Variants in ARRDC3 observed in about 807,000 individuals in gnomAD.
ARRDC3 encodes the protein arrestin domain containing 3, also known as arrestin domain-containing protein 3.
ARRDC3 carries 10 observed loss-of-function variants against 47.2 expected under a neutral mutation model. The ratio of observed to expected loss-of-function variants is 0.21; its 90% CI spans 0.13 to 0.36. The LOEUF (loss-of-function observed/expected upper bound fraction) is 0.36. ARRDC3 is among the 10% of genes least tolerant of loss of function. ARRDC3 has a pLI of 1.00. For missense variants in ARRDC3, 381 were observed against 503.6 expected, an observed-to-expected ratio of 0.76 and a Z score of 2.33; for synonymous variants, 156 against 178.3, an observed-to-expected ratio of 0.87 and a Z score of 1.00.
chr5:91,376,583 G>C, intron 3 of ARRDC3, 38 bp downstream of exon 3: 1 of 1,528,906 alleles, frequency 6.5e-7, no homozygotes, highest in Non-Finnish European at 8.9e-7. Context: ...ATATTTATAT[G>C]CCAAAAACAA....
chr5:91,382,830 A>G lies in ARRDC3; in HGVS notation c.263T>C (p.Leu88Ser). Reference protein sequence around the residue: ...EVEYFNHKDILIGHERDDDNS... With the variant: ...EVEYFNHKDISIGHERDDDNS... ...AAACTTACCTCTTTCGTGCCCAATT[A>G]AGATGTCTTTATGGTTGAAATACTC... The change falls in exon 1 of 8, where the codon TTA becomes TCA. Residue 88 changes from leucine (L) to serine (S), a missense_variant. Transcript: ENST00000265138. 1 of 1,613,094 alleles carries G rather than the reference A, an allele frequency of 6.2e-7. No homozygotes were observed.
At chr5:91,376,833 CAGAAT>C (rs1799315611) in intron 2 of ARRDC3, 65 bp from the exon 3 acceptor site, 4 of 1,444,866 alleles carry the variant, frequency 2.8e-6, no homozygotes, top group Middle Eastern at 2.2e-4. Context: ...CACAGTAGGT[CAGAAT>C]AGAAGTGTTA....
chr5:91,379,116 C>T (rs1317573988), intron 1 of ARRDC3, among the ~76,000 whole-genome samples: 1 of 151,996 alleles, frequency 6.6e-6, no homozygotes, highest in Non-Finnish European at 1.5e-5. Context: ...TAAGACAATG[C>T]TATCCTTTGT....
At chr5:91,373,492 T>C (rs1311756384) in intron 7 of ARRDC3, among the ~76,000 whole-genome samples, 192 bp downstream of exon 7, 4 of 152,190 alleles carry the variant, frequency 2.6e-5, no homozygotes, top group Non-Finnish European at 5.9e-5. Context: ...CCCTAATAAG[T>C]GAACAGTCCT....
In ARRDC3 at chr5:91,383,300, T is replaced by G. The variant is rs1486486684; in HGVS notation, c.-208A>C. The G allele has an allele frequency of 7.6e-6, 4 of 524,256 alleles. No homozygotes were observed. In the Admixed American group the frequency reaches 1.1e-4, roughly 15 times the overall value. The allele number at this position is 524,256 out of a possible 1,614,324, so 32.5% of individuals were successfully genotyped here. ...TGCTCCGCGCTCCCGCTCGTCTCAG[T>G]GGTCTCCTTACAAAGACGGGCGGCT... On this transcript the variant is annotated 5_prime_UTR_variant, in exon 1 of 8. Transcript: ENST00000265138.
chr5:91,376,861 G>A (rs1799316169), intron 2 of ARRDC3, 93 bp from the exon 3 acceptor site: 1 of 1,197,320 alleles, frequency 8.4e-7, no homozygotes, highest in African/African-American at 1.6e-5. Context: ...ATATTGTATT[G>A]TTTATGTTCC....
chr5:91,383,192 G>A lies in ARRDC3; in HGVS notation c.-100C>T. ...TAACACTGATCGATATTTTTGCCGTGCAAAATGCTTGCAGGCCGGATCAGT... is the reference window on the plus strand; with the variant it reads ...TAACACTGATCGATATTTTTGCCGTACAAAATGCTTGCAGGCCGGATCAGT... On this transcript the variant is annotated 5_prime_UTR_variant, in exon 1 of 8. Transcript: ENST00000265138. 1 of 1,134,030 alleles carries A rather than the reference G, an allele frequency of 8.8e-7. No homozygotes were observed. Among genetic ancestry groups the A allele is most frequent in the East Asian group, 2.5e-5 (1 of 39,364 alleles). 70.2% of individuals were successfully genotyped at this position (1,134,030 alleles called of 1,614,324 possible).
intron 1 of ARRDC3, 99 bp from the exon 2 acceptor site, chr5:91,378,874 A>ACT: frequency 1.6e-6 from 1 of 633,720 alleles, no homozygotes; most frequent in Non-Finnish European, 2.6e-6. Context: ...AACAATTAAG[A>ACT]CCACAAAACA....
At position 91,374,396 on chromosome 5, in the gene ARRDC3, C is replaced by T. The variant is rs998491506; in HGVS notation, c.871-120G>A. 37 of 846,554 alleles carry T rather than the reference C, an allele frequency of 4.4e-5. No individual in the cohort carries two copies. In the African/African-American group the frequency reaches 6.0e-4, roughly 14 times the overall value. 52.4% of individuals were successfully genotyped at this position (846,554 alleles called of 1,614,324 possible). A position where few individuals can be genotyped will look rare whatever the true frequency, so the allele number is the denominator to read the frequency against. Reference sequence around the variant, plus strand: ...TTTACTTCATTTTTAAACTTACATACATGAAAAGTTTCTCTTTTATGTATA... The same window carrying T: ...TTTACTTCATTTTTAAACTTACATATATGAAAAGTTTCTCTTTTATGTATA... On this transcript the variant is annotated intron_variant, in intron 5 of 7. Coordinates refer to ENST00000265138, the MANE Select transcript of ARRDC3 (RefSeq NM_020801.4).
rs112631195 is a variant in ARRDC3, at chr5:91,371,761, T to C, written c.1189-305A>G. Among the ~76,000 whole-genome samples, 344 of 152,310 alleles carry C rather than the reference T, an allele frequency of 2.3e-3. 2 individuals are homozygous for C. The highest frequency in any genetic ancestry group is 7.9e-3 in the African/African-American group (328 of 41,572). ...AAATTTTATCAGTGAATGAAGACTT[T>C]TACTCAGTACTTTAGTAGTACTTAA... On this transcript the variant is annotated intron_variant, in intron 7 of 7. Transcript: ENST00000265138.
At chr5:91,371,589 T>C (rs752834805) in intron 7 of ARRDC3, 133 bp from the exon 8 acceptor site, 22 of 669,376 alleles carry the variant, frequency 3.3e-5, no homozygotes, top group Non-Finnish European at 7.6e-6. Flanking sequence ...TAGCATATTA[T>C]ATCCAATTAT....
chr5:91,376,585 C>T, intron 3 of ARRDC3, 36 bp downstream of exon 3: 5 of 1,538,202 alleles, frequency 3.3e-6, no homozygotes, highest in Middle Eastern at 2.0e-4. Flanking sequence ...ATTTATATGC[C>T]AAAAACAAAG....
chr5:91,374,696 C>T (rs559364800), intron 5 of ARRDC3, among the ~76,000 whole-genome samples: 25 of 152,126 alleles, frequency 1.6e-4, no homozygotes, highest in Admixed American at 1.2e-3. Flanking sequence ...CCAACCTGGG[C>T]GACATGGTCA....
Position 91,382,817 on chromosome 5 carries a change from T to G in ARRDC3, c.276A>C (p.Glu92Asp), listed in dbSNP as rs781417692. 6.2e-7 allele frequency: 1 copy of G among 1,610,866 alleles called. No homozygotes were observed. Among genetic ancestry groups the G allele is most frequent in the Non-Finnish European group, 8.5e-7 (1 of 1,178,404 alleles). The change falls in exon 1 of 8, where the codon GAA becomes GAC. Residue 92 changes from glutamate (E) to aspartate (D), a missense_variant. Physicochemically the swap from Glu to Asp is conservative, Grantham distance 45. Coordinates refer to ENST00000265138, the MANE Select transcript of ARRDC3 (RefSeq NM_020801.4). ...TTATGAATAACAAAAACTTACCTCT[T>G]TCGTGCCCAATTAAGATGTCTTTAT... ...FNHKDILIGH[E>D]RDDDNSEEGF... is the part of the protein sequence containing the mutation.
chr5:91,380,227 C>CGCCGCT (rs942643862), intron 1 of ARRDC3: 11 of 164,222 alleles, frequency 6.7e-5, no homozygotes, highest in African/African-American at 2.4e-4. Context: ...CCGCCGCCGC[C>CGCCGCT]GCCGCTGCCG....
At chr5:91,375,664 C>A in intron 3 of ARRDC3, 51 bp from the exon 4 acceptor site, 1 of 1,183,060 alleles carries the variant, frequency 8.5e-7, no homozygotes, top group Admixed American at 2.3e-5. Context: ...TTGGTACAAT[C>A]AATACCAGAA....
In ARRDC3 at chr5:91,383,034, T is replaced by C; in HGVS notation, c.59A>G (p.Asn20Ser). 1.2e-6 allele frequency: 2 copies of C among 1,614,062 alleles called. No individual in the cohort carries two copies. Among genetic ancestry groups the C allele is most frequent in the Non-Finnish European group, 1.7e-6 (2 of 1,179,948 alleles). ...TISFDCLNDSNVPVYSSGDTV... is the reference protein window; with the variant it reads ...TISFDCLNDSSVPVYSSGDTV... ...ATCCCCACTAGAATACACAGGGACATTGCTGTCATTAAGACAGTCAAAGCT... is the reference window on the plus strand; with the variant it reads ...ATCCCCACTAGAATACACAGGGACACTGCTGTCATTAAGACAGTCAAAGCT... Residue 20 changes from asparagine to serine, a missense_variant, in exon 1 of 8, where the codon AAT (asparagine) becomes AGT (serine). Asn to Ser is a conservative substitution (Grantham distance 46). Coordinates refer to ENST00000265138, the MANE Select transcript of ARRDC3 (RefSeq NM_020801.4).
chr5:91,373,628 C>T (rs1333818650), intron 7 of ARRDC3, 56 bp downstream of exon 7: 19 of 1,507,206 alleles, frequency 1.3e-5, no homozygotes, highest in Non-Finnish European at 1.6e-5. Flanking sequence ...AAAATGCCTG[C>T]AATGCTATTT....
intron 3 of ARRDC3, 96 bp downstream of exon 3, chr5:91,376,525 T>C (rs1799306636): frequency 9.0e-7 from 1 of 1,106,754 alleles, no homozygotes; most frequent in Non-Finnish European, 1.3e-6. Flanking sequence ...AAAACCAGTA[T>C]TTTTAAATTA....
Sources: allele counts gnomAD v4.1 joint callset (sites outside exome capture counted in the v4.1 genomes callset), GRCh38; gene constraint gnomAD v4.1.1; transcripts MANE v1.5; gene names NCBI Gene and HGNC (gene_info 2026-07-23, HGNC 2026-07-21).